The following CNTN3 variants were observed in gnomAD, a reference collection of about 807,000 sequenced individuals.
CNTN3 encodes contactin 3.
CNTN3 carries 60 observed loss-of-function variants against 119.1 expected under a neutral mutation model. That is an observed-to-expected ratio of 0.50 (90% CI 0.41 to 0.62). The LOEUF (loss-of-function observed/expected upper bound fraction) is 0.62, where lower values mean the gene tolerates loss of function less well. Ranked by LOEUF, CNTN3 falls within the 20% of genes least tolerant of loss-of-function variation. The probability of loss-of-function intolerance (pLI) is 0.00; values close to 1 mark genes in which losing one functional copy is unlikely to be tolerated. For synonymous variants in CNTN3, 450 were observed against 438.7 expected (o/e 1.03, Z -0.32); for missense variants, 1,101 against 1,242.4 (o/e 0.89, Z 1.71).
intron 5 of CNTN3, among the ~76,000 whole-genome samples, chr3:74,411,656 A>G (rs1384885530): frequency 1.3e-5 from 2 of 152,200 alleles, no homozygotes; most frequent in Non-Finnish European, 2.9e-5. Context: ...ATGTCACCCA[A>G]ATGATGTCTA....
chr3:74,284,111 T>C (rs1433585971), intron 20 of CNTN3, among the ~76,000 whole-genome samples: 1 of 152,162 alleles, frequency 6.6e-6, no homozygotes, highest in Non-Finnish European at 1.5e-5. Flanking sequence ...CTAATTAACA[T>C]CTAAAGTAGC....
intron 13 of CNTN3, among the ~76,000 whole-genome samples, chr3:74,326,181 T>C (rs1320330896): frequency 6.6e-6 from 1 of 152,100 alleles, no homozygotes; most frequent in Non-Finnish European, 1.5e-5. Flanking sequence ...TTAGAGAGTA[T>C]TGTAGGTGCT....
At chr3:74,403,493 G>A (rs1186568552) in intron 5 of CNTN3, among the ~76,000 whole-genome samples, 2 of 152,142 alleles carry the variant, frequency 1.3e-5, no homozygotes, top group African/African-American at 4.8e-5. Flanking sequence ...AGAAACTTCA[G>A]TTCAGAAGCT....
chr3:74,586,169 CA>C (rs1704589357), intron 1 of CNTN3, among the ~76,000 whole-genome samples: 1 of 152,112 alleles, frequency 6.6e-6, no homozygotes, highest in African/African-American at 2.4e-5. Flanking sequence ...CAAGTAGCCC[CA>C]GGCAATTATT....
chr3:74,366,950 C>G (rs766166699), intron 8 of CNTN3, among the ~76,000 whole-genome samples: 1 of 146,554 alleles, frequency 6.8e-6, no homozygotes, highest in Non-Finnish European at 1.5e-5. Context: ...TATAGAGACC[C>G]GAGTTTCTAA....
intron 19 of CNTN3, among the ~76,000 whole-genome samples, chr3:74,292,554 G>A (rs373603348): frequency 4.3e-4 from 65 of 152,110 alleles, no homozygotes; most frequent in East Asian, 3.7e-3. Context: ...CAACAAGAGC[G>A]AAAACTCCGT....
At chr3:74,330,632 A>C (rs1703242773) in intron 13 of CNTN3, among the ~76,000 whole-genome samples, 1 of 152,148 alleles carries the variant, frequency 6.6e-6, no homozygotes, top group South Asian at 2.1e-4. Flanking sequence ...GTTAACTATA[A>C]AAGAGTCTCA....
At chr3:74,544,987 T>A (rs1703894287) in intron 1 of CNTN3, among the ~76,000 whole-genome samples, 1 of 152,154 alleles carries the variant, frequency 6.6e-6, no homozygotes, top group Non-Finnish European at 1.5e-5. Flanking sequence ...CCCAAAACAT[T>A]ACATCATTCC....
intron 1 of CNTN3, among the ~76,000 whole-genome samples, chr3:74,563,061 C>T (rs1436351208): frequency 1.3e-5 from 2 of 152,152 alleles, no homozygotes; most frequent in African/African-American, 4.8e-5. Flanking sequence ...AACTCAATAA[C>T]AGATCGTCCC....
chr3:74,551,440 G>A lies in CNTN3; in HGVS notation c.-80-30248C>T, dbSNP rs534603647. Among the ~76,000 whole-genome samples the A allele has an allele frequency of 5.9e-5, 9 of 151,868 alleles. No individual in the cohort carries two copies. The South Asian group carries it at 1.9e-3, about 32-fold the overall frequency. The stretch of plus-strand genomic sequence containing the variant: ...GAGTATCAATATCCCCAACCAGGGT[G>A]GTACATTTGTTATAACTGATGAGCC... On this transcript the variant is annotated intron_variant, in intron 1 of 22. Transcript: ENST00000263665.
At chr3:74,583,116 G>A (rs1242422410) in intron 1 of CNTN3, among the ~76,000 whole-genome samples, 2 of 152,036 alleles carry the variant, frequency 1.3e-5, no homozygotes, top group East Asian at 1.9e-4. Flanking sequence ...GGGGCATAGC[G>A]GCTGTCAGTA....
chr3:74,529,650 A>G (rs1413913355), intron 1 of CNTN3, among the ~76,000 whole-genome samples: 1 of 151,978 alleles, frequency 6.6e-6, no homozygotes, highest in Non-Finnish European at 1.5e-5. Context: ...AGTGGTATAA[A>G]TTATGAAATG....
intron 4 of CNTN3, among the ~76,000 whole-genome samples, chr3:74,466,131 T>C (rs1702456176): frequency 6.6e-6 from 1 of 152,088 alleles, no homozygotes; most frequent in Non-Finnish European, 1.5e-5. Context: ...CACAAAAAGA[T>C]GCTGTCAGAA....
intron 5 of CNTN3, among the ~76,000 whole-genome samples, chr3:74,414,877 CTTTTTTTTTTTT>C (rs71129747): frequency 2.6e-5 from 3 of 117,122 alleles, no homozygotes; most frequent in African/African-American, 9.6e-5. Flanking sequence ...TTCCTATAGT[CTTTTTTTTTTTT>C]TTTTTTTTGA....
At chr3:74,604,862 A>G (rs1172813693) in intron 1 of CNTN3, among the ~76,000 whole-genome samples, 1 of 152,200 alleles carries the variant, frequency 6.6e-6, no homozygotes, top group Non-Finnish European at 1.5e-5. Context: ...TGTTCATCGC[A>G]GCATTATTCA....
intron 8 of CNTN3, among the ~76,000 whole-genome samples, chr3:74,366,362 A>G (rs1235297474): frequency 6.6e-6 from 1 of 152,092 alleles, no homozygotes; most frequent in Non-Finnish European, 1.5e-5. Flanking sequence ...GTTCAATCAA[A>G]TGGATTTATC....
chr3:74,523,412 T>G (rs540370013), intron 1 of CNTN3, among the ~76,000 whole-genome samples: 1 of 151,968 alleles, frequency 6.6e-6, no homozygotes, highest in East Asian at 2.0e-4. Context: ...ATCTGATACA[T>G]ATATATGTCT....
intron 5 of CNTN3, among the ~76,000 whole-genome samples, chr3:74,408,044 C>T (rs1306586155): frequency 2.6e-5 from 4 of 152,094 alleles, no homozygotes; most frequent in Non-Finnish European, 5.9e-5. Flanking sequence ...GCCAGAATGG[C>T]CCAGACAATC....
Position 74,517,204 on chromosome 3 carries a change from T to C in CNTN3, c.55+3854A>G, listed in dbSNP as rs184753585. On this transcript the variant is annotated intron_variant, in intron 2 of 22. Coordinates refer to ENST00000263665, the MANE Select transcript of CNTN3 (RefSeq NM_020872.3). Reference sequence around the variant, plus strand: ...TACCCACCTTTTTAGGCCAAACCAATGTATAACCTGCATGTGCTGACTTAC... The same window carrying C: ...TACCCACCTTTTTAGGCCAAACCAACGTATAACCTGCATGTGCTGACTTAC... Among the ~76,000 whole-genome samples the C allele has an allele frequency of 3.2e-4, 48 of 152,068 alleles. No homozygotes were observed. The East Asian group carries it at 8.4e-3, about 26-fold the overall frequency.
Sources: gnomAD v4.1 joint callset for allele counts (sites outside exome capture counted in the v4.1 genomes callset) on GRCh38, gnomAD v4.1.1 for gene constraint, MANE v1.5 for transcripts, NCBI Gene and HGNC (gene_info 2026-07-23, HGNC 2026-07-21) for gene names.